TBATA: variants seen among roughly 807,000 people sequenced by gnomAD.
TBATA encodes the protein protein TBATA.
TBATA carries 47 observed loss-of-function variants against 38.7 expected under a neutral mutation model. The ratio of observed to expected loss-of-function variants is 1.21; its 90% CI spans 0.96 to 1.55. The LOEUF (loss-of-function observed/expected upper bound fraction) is 1.55, where lower values mean the gene tolerates loss of function less well. Ranked by LOEUF, TBATA falls within the 40% of genes most tolerant of loss-of-function variation. The pLI is 0.00. For synonymous variants in TBATA, 183 were observed against 170.5 expected, an observed-to-expected ratio of 1.07 and a Z score of -0.57; for missense variants, 436 against 435.6, an observed-to-expected ratio of 1.00 and a Z score of -0.01.
In TBATA at chr10:70,775,042, T is replaced by G. The variant is rs138667219; in HGVS notation, c.775+147A>C. 306 of 640,204 alleles carry G rather than the reference T, an allele frequency of 4.8e-4. No homozygotes were observed. In the African/African-American group the frequency reaches 4.8e-3, roughly 10 times the overall value. 39.7% of individuals were successfully genotyped at this position (640,204 alleles called of 1,614,324 possible). On this transcript the variant is annotated intron_variant, in intron 8 of 10. Transcript: ENST00000456372. ...TGCTGTCCAGCTGGGAAGGGTTAGT[T>G]TGGGGCTCCAAAGTGGAGGAGAGGC... is the stretch of plus-strand genomic sequence containing the variant.
chr10:70,775,432 A>G (rs1843272760), intron 7 of TBATA, among the ~76,000 whole-genome samples, 162 bp from the exon 8 acceptor site: 1 of 152,198 alleles, frequency 6.6e-6, no homozygotes, highest in Admixed American at 6.5e-5. Context: ...CTTTTCCTCC[A>G]CATTGGGCTT....
chr10:70,774,158 C>T lies in TBATA; in HGVS notation c.920+55G>A, dbSNP rs1000113995. ...GGCTCCCTTCTCCAGGTCCCACTGG[C>T]CTCACCTGGGAGGACAGAAGGCTGC... On this transcript the variant is annotated intron_variant, in intron 9 of 10. Transcript: ENST00000456372. 3.1e-6 allele frequency: 5 copies of T among 1,598,394 alleles called. No individual in the cohort carries two copies. The Admixed American group carries it at 8.8e-5, about 28-fold the overall frequency.
chr10:70,783,642 T>G, intron 2 of TBATA, 117 bp from the exon 3 acceptor site: 1 of 413,418 alleles, frequency 2.4e-6, no homozygotes, highest in Non-Finnish European at 4.5e-6. Flanking sequence ...AGGGGCTACT[T>G]ATAAGAATAT....
rs1329355557 is a variant in TBATA, at chr10:70,774,209, C to T, written c.920+4G>A. ...AGAAGGGCAGGGCGGGGTGCGGGGC[C>T]CACCTGCAGGGTGGCTCTTGCTTCT... On this transcript the variant is annotated splice_donor_region_variant and intron_variant, in intron 9 of 10. Transcript: ENST00000456372. 6.2e-7 allele frequency: 1 copy of T among 1,611,752 alleles called. No individual in the cohort carries two copies. The highest frequency in any genetic ancestry group is 1.3e-5 in the African/African-American group (1 of 75,048).
rs1213793512 is a variant in TBATA, at chr10:70,784,629, C to T, written c.-147+18G>A. ...GAGGTCACACAGAAGGAACCAGAGC[C>T]CGGGCAGTCTGACTCACAGTTTGCT... On this transcript the variant is annotated intron_variant, in intron 2 of 10. Transcript: ENST00000456372. 1 of 152,110 alleles carries T rather than the reference C, an allele frequency of 6.6e-6. No individual in the cohort carries two copies. The highest frequency in any genetic ancestry group is 2.4e-5 in the African/African-American group (1 of 41,430). The allele number at this position is 152,110 out of a possible 1,614,324, so 9.4% of individuals were successfully genotyped here.
At chr10:70,772,642 G>A in intron 9 of TBATA, 76 bp from the exon 10 acceptor site, 1 of 1,500,942 alleles carries the variant, frequency 6.7e-7, no homozygotes, top group Non-Finnish European at 9.3e-7. Flanking sequence ...GGGAGACAGG[G>A]AGGTGGGGAA....
intron 5 of TBATA, chr10:70,778,850 A>G (rs535128558): frequency 1.9e-5 from 12 of 643,588 alleles, no homozygotes; most frequent in African/African-American, 1.4e-4. Context: ...GGGGTGGGGC[A>G]TTGCTTTCCT....
At chr10:70,773,474 G>GCCA (rs1160318465) in intron 9 of TBATA, among the ~76,000 whole-genome samples, 4 of 89,180 alleles carry the variant, frequency 4.5e-5, no homozygotes, top group Non-Finnish European at 9.3e-5. Context: ...GGCCCCCCCG[G>GCCA]CTTCACCCCG....
At chr10:70,774,129 G>A (rs551882872) in intron 9 of TBATA, 84 bp downstream of exon 9, 84 of 1,550,154 alleles carry the variant, frequency 5.4e-5, no homozygotes, top group East Asian at 6.9e-5. Flanking sequence ...CCTGGTCAGC[G>A]CCAGGCTCCC....
At position 70,779,002 on chromosome 10, in the gene TBATA, G is replaced by T. The variant is rs115950989; in HGVS notation, c.428-366C>A. On this transcript the variant is annotated intron_variant, in intron 5 of 10. Transcript: ENST00000456372. ...TCCCTGAGGCCAAGACTGAAGCTGA[G>T]GAGATACAGATGGGCCTGTTATTAA... Among the ~76,000 whole-genome samples the T allele has an allele frequency of 5.7e-3, 864 of 152,336 alleles. 4 individuals are homozygous for T. The highest frequency in any genetic ancestry group is 0.015 in the African/African-American group (622 of 41,578).
intron 8 of TBATA, among the ~76,000 whole-genome samples, chr10:70,774,766 C>T (rs2132839513): frequency 6.6e-6 from 1 of 152,308 alleles, no homozygotes; most frequent in South Asian, 2.1e-4. Context: ...TACCCACTGT[C>T]CCAGTGCGTC....
rs1363439315 is a variant in TBATA at position 70,779,621 on chromosome 10, C to T, written c.399G>A (p.Gln133=). 2 of 1,524,506 alleles carry T rather than the reference C, an allele frequency of 1.3e-6. No homozygotes were observed. 94.4% of individuals were successfully genotyped at this position (1,524,506 alleles called of 1,614,324 possible). A position where few individuals can be genotyped will look rare whatever the true frequency, so the allele number is the denominator to read the frequency against. Residue 133 remains glutamine, a synonymous_variant, in exon 5 of 11, where the codon CAG becomes CAA. Transcript: ENST00000456372. ...PTISVPIGDP[Q]SNRNPQLSSE... is the part of the protein sequence containing the mutation. Reference sequence around the variant, plus strand: ...AAGAAAGCTGGGGGTTCCGATTAGACTGTGGGTCTCCAATGGGGACAGAGA... The same window carrying T: ...AAGAAAGCTGGGGGTTCCGATTAGATTGTGGGTCTCCAATGGGGACAGAGA...
intron 4 of TBATA, among the ~76,000 whole-genome samples, chr10:70,780,718 A>G (rs924778006): frequency 3.9e-5 from 6 of 152,016 alleles, no homozygotes; most frequent in African/African-American, 1.2e-4. Context: ...CCCAGCCTAC[A>G]CTAGCCCTTC....
rs747664044 is a variant in TBATA at position 70,777,193 on chromosome 10, T to G, written c.653A>C (p.Glu218Ala). 1.2e-6 allele frequency: 2 copies of G among 1,613,368 alleles called. No homozygotes were observed. The highest frequency in any genetic ancestry group is 2.2e-5 in the South Asian group (2 of 91,082). The change falls in exon 7 of 11, where the codon GAA (glutamate) becomes GCA (alanine). Residue 218 changes from glutamate (E) to alanine (A), a missense_variant. Glu to Ala is a moderately radical substitution (Grantham distance 107, BLOSUM62 -1). Coordinates refer to ENST00000456372, the MANE Select transcript of TBATA (RefSeq NM_001318241.2). ...CTGAAGGAGGAAAGCCTGGACTCCT[T>G]CATGTCTGCTGGAAGACTGACTCTG... ...GQQSQSSSRH[E>A]GVQAFLLQDQ...
chr10:70,772,104 G>C, intron 10 of TBATA: 1 of 396,354 alleles, frequency 2.5e-6, no homozygotes, highest in Non-Finnish European at 5.1e-6. Flanking sequence ...GCTCTTCCTA[G>C]ACTTGGGTAG....
Position 70,781,983 on chromosome 10 carries a change from G to C in TBATA, c.95C>G (p.Pro32Arg), listed in dbSNP as rs779623289. 9 of 1,614,238 alleles carry C rather than the reference G, an allele frequency of 5.6e-6. No homozygotes were observed. The highest frequency in any genetic ancestry group is 7.6e-6 in the Non-Finnish European group (9 of 1,180,044). ...EKKSGRKPRS[P>R]RDSGPQKELV... is the part of the protein sequence containing the mutation. ...TTCTTTCTGTGGCCCACTGTCCCTG[G>C]GGCTCCTTGGCTTGCGCCCTGACTT... Residue 32 changes from proline to arginine, a missense_variant, in exon 4 of 11, where the codon CCC (proline) becomes CGC (arginine). Physicochemically the swap from Pro to Arg is moderately radical, Grantham distance 103. Coordinates refer to ENST00000456372, the MANE Select transcript of TBATA (RefSeq NM_001318241.2).
In TBATA at chr10:70,780,567, C is replaced by G. The variant is rs1044130058; in HGVS notation, c.278-825G>C. ...TCCTACCCAGGCCCACCACTTGAAACACCCCCTCTCGAATGGCTCTCACGT... is the reference window on the plus strand; with the variant it reads ...TCCTACCCAGGCCCACCACTTGAAAGACCCCCTCTCGAATGGCTCTCACGT... On this transcript the variant is annotated intron_variant, in intron 4 of 10. Transcript: ENST00000456372. Among the ~76,000 whole-genome samples, 14 of 151,600 alleles carry G rather than the reference C, an allele frequency of 9.2e-5. No homozygotes were observed. In the East Asian group the frequency reaches 2.7e-3, roughly 29 times the overall value.
intron 4 of TBATA, among the ~76,000 whole-genome samples, chr10:70,780,503 A>G (rs1844062022): frequency 6.6e-6 from 1 of 151,846 alleles, no homozygotes; most frequent in African/African-American, 2.4e-5. Flanking sequence ...ACCTGTCCCC[A>G]GGTTTTTCTC....
rs529905345 is a variant in TBATA, at chr10:70,782,321, T to C, written c.42-285A>G. On this transcript the variant is annotated intron_variant, in intron 3 of 10. Coordinates refer to ENST00000456372, the MANE Select transcript of TBATA (RefSeq NM_001318241.2). ...CCCCAGTTTTTTCCCAGAGACCATA[T>C]CTGAAACCAGAAAGAGAAGCTGCAG... is the stretch of plus-strand genomic sequence containing the variant. The C allele has an allele frequency of 1.4e-5, 20 of 1,451,024 alleles. No individual in the cohort carries two copies. In the South Asian group the frequency reaches 2.3e-4, roughly 17 times the overall value. 89.9% of individuals were successfully genotyped at this position (1,451,024 alleles called of 1,614,324 possible).
Sources: gnomAD v4.1 joint callset for allele counts (sites outside exome capture counted in the v4.1 genomes callset) on GRCh38, gnomAD v4.1.1 for gene constraint, MANE v1.5 for transcripts, NCBI Gene and HGNC (gene_info 2026-07-23, HGNC 2026-07-21) for gene names.